The following ASTN2 variants were observed in gnomAD, a reference collection of about 807,000 sequenced individuals.
ASTN2 encodes the protein astrotactin 2, also known as astrotactin-2.
ASTN2 carries 54 observed loss-of-function variants against 139.8 expected under a neutral mutation model. The observed-to-expected ratio is 0.39, with a 90% CI of 0.31 to 0.48. The LOEUF (loss-of-function observed/expected upper bound fraction) is 0.48, where lower values mean the gene tolerates loss of function less well. Ranked by LOEUF, ASTN2 falls within the 20% of genes least tolerant of loss-of-function variation. The pLI is 0.95. For missense variants in ASTN2, 1,565 were observed against 1,725.1 expected, an observed-to-expected ratio of 0.91 and a Z score of 1.64; for synonymous variants, 756 against 719.5, an observed-to-expected ratio of 1.05 and a Z score of -0.81.
intron 16 of ASTN2, among the ~76,000 whole-genome samples, chr9:116,695,559 A>G (rs1860803704): frequency 6.6e-6 from 1 of 152,182 alleles, no homozygotes; most frequent in East Asian, 1.9e-4. Flanking sequence ...AGTGTTCTTG[A>G]GCTAAATGCA....
At chr9:117,268,353 C>T (rs1277026926) in intron 2 of ASTN2, among the ~76,000 whole-genome samples, 1 of 152,146 alleles carries the variant, frequency 6.6e-6, no homozygotes, top group African/African-American at 2.4e-5. Flanking sequence ...AGGGACTTAC[C>T]AGCATCATCT....
chr9:116,843,940 C>A (rs1832349317), intron 11 of ASTN2, among the ~76,000 whole-genome samples: 1 of 152,022 alleles, frequency 6.6e-6, no homozygotes, highest in African/African-American at 2.4e-5. Flanking sequence ...ATTTTTTAAT[C>A]AAATTTTAAA....
intron 20 of ASTN2, among the ~76,000 whole-genome samples, chr9:116,449,340 A>G (rs1051421282): frequency 6.6e-6 from 1 of 152,190 alleles, no homozygotes; most frequent in Non-Finnish European, 1.5e-5. Context: ...TGGGAGATCA[A>G]GGCTACAGTG....
chr9:116,587,345 TTAA>T (rs1564135799), intron 19 of ASTN2, among the ~76,000 whole-genome samples: 11 of 83,282 alleles, frequency 1.3e-4, no homozygotes, highest in African/African-American at 1.2e-4. Context: ...CATCTCAAAT[TTAA>T]AAAAAAAAAA....
intron 1 of ASTN2, among the ~76,000 whole-genome samples, chr9:117,393,107 G>A (rs1289031525): frequency 6.6e-6 from 1 of 152,204 alleles, no homozygotes; most frequent in Non-Finnish European, 1.5e-5. Context: ...CTCCCTGAAA[G>A]GCCAGCCCCT....
chr9:117,204,959 A>G (rs1197409918), intron 3 of ASTN2, among the ~76,000 whole-genome samples: 6 of 152,304 alleles, frequency 3.9e-5, no homozygotes, highest in Non-Finnish European at 7.4e-5. Flanking sequence ...TTACCCTTTC[A>G]AGGCCATATT....
intron 1 of ASTN2, among the ~76,000 whole-genome samples, chr9:117,326,914 A>G (rs182160097): frequency 9.7e-4 from 148 of 152,298 alleles, no homozygotes; most frequent in African/African-American, 3.2e-3. Flanking sequence ...AGCAGTGGAT[A>G]TAAGTTAAAT....
chr9:116,618,476 C>G lies in ASTN2; in HGVS notation c.3207-4G>C. On this transcript the variant is annotated splice_polypyrimidine_tract_variant and splice_region_variant and intron_variant, in intron 18 of 22. Transcript: ENST00000313400. Reference sequence around the variant, plus strand: ...CACTGTTGGGGACAGCCGCAGCCTACAGGGAATAAAAAGGAAGATTCGTGT... The same window carrying G: ...CACTGTTGGGGACAGCCGCAGCCTAGAGGGAATAAAAAGGAAGATTCGTGT... The G allele has an allele frequency of 6.2e-7, 1 of 1,602,328 alleles. No individual in the cohort carries two copies. Among genetic ancestry groups the G allele is most frequent in the Non-Finnish European group, 8.5e-7 (1 of 1,176,304 alleles).
At chr9:116,651,466 CA>C (rs1857909045) in intron 17 of ASTN2, 61 bp downstream of exon 17, 2 of 1,573,056 alleles carry the variant, frequency 1.3e-6, no homozygotes, top group Non-Finnish European at 1.7e-6. Flanking sequence ...AAAGGGTCCA[CA>C]AGGGTAGGAG....
intron 2 of ASTN2, among the ~76,000 whole-genome samples, chr9:117,255,487 T>C (rs1344152836): frequency 1.3e-5 from 2 of 152,222 alleles, no homozygotes; most frequent in Non-Finnish European, 2.9e-5. Flanking sequence ...CATTGATGAA[T>C]GTTAGAGCTG....
At chr9:116,575,288 T>C (rs966482816) in intron 19 of ASTN2, among the ~76,000 whole-genome samples, 1 of 151,420 alleles carries the variant, frequency 6.6e-6, no homozygotes, top group African/African-American at 2.4e-5. Context: ...TTCTGGAATG[T>C]ATAATTAAAA....
At chr9:116,551,907 G>T (rs55651724) in intron 19 of ASTN2, among the ~76,000 whole-genome samples, 24,121 of 152,080 alleles carry the variant, frequency 0.16, 2,078 homozygotes, top group African/African-American at 0.21. Context: ...TTGTAGGGGA[G>T]GTAGAGAAAA....
At chr9:116,650,685 T>TCTCCTAGG (rs1269253192) in intron 17 of ASTN2, among the ~76,000 whole-genome samples, 1 of 152,134 alleles carries the variant, frequency 6.6e-6, no homozygotes, top group African/African-American at 2.4e-5. Context: ...ACCCATGTCT[T>TCTCCTAGG]CTCCTAGGCA....
intron 1 of ASTN2, among the ~76,000 whole-genome samples, chr9:117,361,361 C>T (rs567212538): frequency 6.7e-6 from 1 of 150,104 alleles, no homozygotes; most frequent in Non-Finnish European, 1.5e-5. Context: ...CGTGTAGGGC[C>T]GACTTGGAAT....
intron 20 of ASTN2, among the ~76,000 whole-genome samples, chr9:116,476,097 T>G (rs1290350352): frequency 6.6e-6 from 1 of 152,202 alleles, no homozygotes; most frequent in African/African-American, 2.4e-5. Flanking sequence ...CGCAGGGCCA[T>G]GCTTCCTCTG....
intron 13 of ASTN2, among the ~76,000 whole-genome samples, chr9:116,737,206 G>A (rs147672682): frequency 5.7e-4 from 87 of 152,318 alleles, no homozygotes; most frequent in African/African-American, 2.1e-3. Context: ...CTGGGCGATG[G>A]CCACAAGTCC....
At chr9:116,762,332 G>A (rs940914640) in intron 13 of ASTN2, among the ~76,000 whole-genome samples, 1 of 152,174 alleles carries the variant, frequency 6.6e-6, no homozygotes, top group Non-Finnish European at 1.5e-5. Context: ...CCACATCTCT[G>A]AAATGGGGAT....
intron 19 of ASTN2, among the ~76,000 whole-genome samples, chr9:116,534,422 C>T (rs1371942453): frequency 1.3e-5 from 2 of 152,130 alleles, no homozygotes; most frequent in African/African-American, 2.4e-5. Flanking sequence ...TGTGTTTGCT[C>T]TTGCTTCTCT....
intron 10 of ASTN2, among the ~76,000 whole-genome samples, chr9:116,954,032 T>C (rs1263459147): frequency 6.6e-6 from 1 of 152,170 alleles, no homozygotes; most frequent in East Asian, 1.9e-4. Flanking sequence ...TTATCTTTTT[T>C]TAAGGGCTTG....
Sources: gnomAD v4.1 joint callset for allele counts (sites outside exome capture counted in the v4.1 genomes callset) on GRCh38, gnomAD v4.1.1 for gene constraint, MANE v1.5 for transcripts, NCBI Gene and HGNC (gene_info 2026-07-23, HGNC 2026-07-21) for gene names.